Variants in PRPF39 observed in about 807,000 individuals in gnomAD.
The protein encoded by PRPF39 is pre-mRNA-processing factor 39.
In PRPF39, 27 loss-of-function variants were observed where a neutral mutation model predicts 82.1. The observed-to-expected ratio is 0.33, with a 90% CI of 0.24 to 0.45. PRPF39 has a LOEUF of 0.45. PRPF39 is among the 20% of genes least tolerant of loss of function. The pLI, the probability that PRPF39 is intolerant of heterozygous loss-of-function variation, is 1.00. For missense variants in PRPF39, 581 were observed against 796.9 expected (o/e 0.73, Z 3.26); for synonymous variants, 261 against 256.4 (o/e 1.02, Z -0.17).
intron 1 of PRPF39, among the ~76,000 whole-genome samples, chr14:45,091,613 G>C (rs1013628946): frequency 6.6e-6 from 1 of 152,134 alleles, no homozygotes; most frequent in African/African-American, 2.4e-5. Flanking sequence ...TACGAAGAGT[G>C]TATACAAACC....
At chr14:45,098,046 A>T (rs1158009689) in intron 4 of PRPF39, among the ~76,000 whole-genome samples, 5 of 152,128 alleles carry the variant, frequency 3.3e-5, no homozygotes, top group African/African-American at 9.7e-5. Flanking sequence ...TTGTTTTCTC[A>T]TTCCTTATCT....
At chr14:45,114,345 T>C in intron 12 of PRPF39, 88 bp downstream of exon 12, 1 of 1,369,174 alleles carries the variant, frequency 7.3e-7, no homozygotes, top group Non-Finnish European at 1.0e-6. Flanking sequence ...ACTTTTATGT[T>C]GTAATTTACA....
At chr14:45,103,460 T>C (rs951210361) in intron 5 of PRPF39, among the ~76,000 whole-genome samples, 1 of 152,154 alleles carries the variant, frequency 6.6e-6, no homozygotes, top group African/African-American at 2.4e-5. Context: ...TTTTTTGTTA[T>C]AATTTTTATG....
rs752574509 is a variant in PRPF39 at position 45,110,397 on chromosome 14, C to T, written c.1304-152C>T. Among the ~76,000 whole-genome samples the T allele has an allele frequency of 3.9e-5, 6 of 152,156 alleles. No individual in the cohort carries two copies. The highest frequency in any genetic ancestry group is 9.7e-5 in the African/African-American group (4 of 41,438). The stretch of plus-strand genomic sequence containing the variant: ...CAGGCTTTGTAAGCCATTGTAGCCC[C>T]GAAACAGCCATAGGCAGTGTGTAAA... On this transcript the variant is annotated intron_variant, in intron 9 of 13. Transcript: ENST00000355765. This position sits in a 1 kb window ranked among gnomAD's most constrained non-coding sequence, Gnocchi z 4.0.
intron 11 of PRPF39, among the ~76,000 whole-genome samples, chr14:45,113,376 G>GGT (rs1267916975): frequency 1.3e-5 from 2 of 152,188 alleles, no homozygotes; most frequent in African/African-American, 2.4e-5. Context: ...GTAGAATGAG[G>GGT]GTGTAGGGTT....
At chr14:45,103,434 A>G (rs1041060300) in intron 5 of PRPF39, among the ~76,000 whole-genome samples, 1 of 152,018 alleles carries the variant, frequency 6.6e-6, no homozygotes, top group African/African-American at 2.4e-5. Context: ...GTATTGTATA[A>G]ACTTAGTATT....
chr14:45,089,542 C>G (rs909765179), intron 1 of PRPF39, among the ~76,000 whole-genome samples: 2 of 152,198 alleles, frequency 1.3e-5, no homozygotes, highest in Non-Finnish European at 2.9e-5. Flanking sequence ...GATCACGACT[C>G]ACTGCAGCCT....
intron 4 of PRPF39, among the ~76,000 whole-genome samples, chr14:45,099,444 T>G (rs980402973): frequency 6.8e-6 from 1 of 146,034 alleles, no homozygotes; most frequent in Non-Finnish European, 1.5e-5. Flanking sequence ...TCCATCAGAT[T>G]ATTATTATTT....
chr14:45,114,095 G>A, intron 11 of PRPF39, 88 bp from the exon 12 acceptor site: 4 of 962,042 alleles, frequency 4.2e-6, no homozygotes, highest in African/African-American at 1.7e-5. Flanking sequence ...AATTTTCTTA[G>A]GCAGTTTCCT....
At chr14:45,096,023 T>A in intron 2 of PRPF39, 80 bp from the exon 3 acceptor site, 1 of 1,267,386 alleles carries the variant, frequency 7.9e-7, no homozygotes, top group Non-Finnish European at 1.1e-6. Context: ...TTTTTTTAGA[T>A]AATAACGTTT....
intron 4 of PRPF39, among the ~76,000 whole-genome samples, chr14:45,099,590 A>G (rs562734063): frequency 3.3e-5 from 5 of 152,036 alleles, no homozygotes; most frequent in South Asian, 2.1e-4. Flanking sequence ...GACTACAGGC[A>G]CCTGCCACCA....
At chr14:45,097,473 C>T (rs1341074523) in intron 4 of PRPF39, among the ~76,000 whole-genome samples, 1 of 152,100 alleles carries the variant, frequency 6.6e-6, no homozygotes, top group Non-Finnish European at 1.5e-5. Context: ...CTGTACAAGT[C>T]AATATTTTTT....
Position 45,115,020 on chromosome 14 carries a change from T to C in PRPF39, c.*107T>C, listed in dbSNP as rs967800966. 15 of 827,310 alleles carry C rather than the reference T, an allele frequency of 1.8e-5. No individual in the cohort carries two copies. In the African/African-American group the frequency reaches 2.6e-4, roughly 14 times the overall value. 51.2% of individuals were successfully genotyped at this position (827,310 alleles called of 1,614,324 possible). On this transcript the variant is annotated 3_prime_UTR_variant, in exon 14 of 14. Coordinates refer to ENST00000355765, the MANE Select transcript of PRPF39 (RefSeq NM_017922.4). ...AGCTTGTTGTATTTGATAACCTGTC[T>C]TCCTTGTTTCTGTGTAACATGATTT...
At chr14:45,086,973 A>G (rs1883851764) in intron 1 of PRPF39, among the ~76,000 whole-genome samples, 1 of 151,266 alleles carries the variant, frequency 6.6e-6, no homozygotes, top group Non-Finnish European at 1.5e-5. Context: ...TCACTGTGGT[A>G]TATCTGTTTT....
At chr14:45,103,099 A>G (rs902384004) in intron 5 of PRPF39, among the ~76,000 whole-genome samples, 1 of 152,132 alleles carries the variant, frequency 6.6e-6, no homozygotes, top group Admixed American at 6.6e-5. Context: ...CTAAATATAC[A>G]TTATTGTGAT....
chr14:45,114,267 T>C lies in PRPF39; in HGVS notation c.1832+10T>C, dbSNP rs758450845. On this transcript the variant is annotated intron_variant, in intron 12 of 13. Coordinates refer to ENST00000355765, the MANE Select transcript of PRPF39 (RefSeq NM_017922.4). ...GGAAAGCAGAAAATGGGTATGTCAC[T>C]TTTTGCTAAGTCAAGAAGGCGTGCT... 1 of 1,574,238 alleles carries C rather than the reference T, an allele frequency of 6.4e-7. No individual in the cohort carries two copies. Among genetic ancestry groups the C allele is most frequent in the South Asian group, 1.1e-5 (1 of 87,656 alleles).
At chr14:45,111,949 C>T (rs1469036221) in intron 10 of PRPF39, among the ~76,000 whole-genome samples, 1 of 151,956 alleles carries the variant, frequency 6.6e-6, no homozygotes, top group Non-Finnish European at 1.5e-5. Flanking sequence ...AGATGTTTAT[C>T]TATAGTTGTA....
chr14:45,109,448 A>C (rs1479998069), intron 7 of PRPF39, among the ~76,000 whole-genome samples, 168 bp from the exon 8 acceptor site: 1 of 152,068 alleles, frequency 6.6e-6, no homozygotes, highest in Admixed American at 6.5e-5. Context: ...ATTTGTTTGT[A>C]AAGCTTAAGG....
At chr14:45,089,899 T>A (rs2139036230) in intron 1 of PRPF39, among the ~76,000 whole-genome samples, 2 of 152,368 alleles carry the variant, frequency 1.3e-5, no homozygotes, top group African/African-American at 4.8e-5. Flanking sequence ...ATCAAAATGA[T>A]CTCTATAAGC....
Sources: gnomAD v4.1 joint callset for allele counts (sites outside exome capture counted in the v4.1 genomes callset) on GRCh38, gnomAD v4.1.1 for gene constraint, Gnocchi (gnomAD v3.1) non-coding constraint, MANE v1.5 for transcripts, NCBI Gene and HGNC (gene_info 2026-07-23, HGNC 2026-07-21) for gene names.